MUC4: variants seen among roughly 807,000 people sequenced by gnomAD.
MUC4 encodes the protein mucin-4.
In MUC4, 202 loss-of-function variants were observed where a neutral mutation model predicts 257.9. The ratio of observed to expected loss-of-function variants is 0.78; its 90% CI spans 0.70 to 0.88. The LOEUF is 0.88. Ranked by LOEUF, MUC4 falls within the 40% of genes least tolerant of loss-of-function variation. MUC4 has a pLI of 0.00. For missense variants in MUC4, 5,976 were observed against 6,513.7 expected (o/e 0.92, Z 2.84); for synonymous variants, 2,351 against 2,757.1 (o/e 0.85, Z 4.62).
intron 1 of MUC4, among the ~76,000 whole-genome samples, chr3:195,798,847 C>T (rs1302150456): frequency 6.6e-6 from 1 of 152,150 alleles, no homozygotes; most frequent in Non-Finnish European, 1.5e-5. Flanking sequence ...TGAGAAGACG[C>T]ACATCTTTTA....
At position 195,762,894 on chromosome 3, in the gene MUC4, G is replaced by C; in HGVS notation, c.14305C>G (p.Gln4769Glu). 6.4e-7 allele frequency: 1 copy of C among 1,573,498 alleles called. No individual in the cohort carries two copies. Among genetic ancestry groups the C allele is most frequent in the Non-Finnish European group, 8.6e-7 (1 of 1,160,638 alleles). ...HDAIRVLLDN[Q>E]TVTFQPDHED... ...TGGTCAGGCTGAAATGTCACAGTCT[G>C]GTTATCCAGCAGGACACGGATTGCG... Residue 4769 changes from glutamine (Q) to glutamate (E), a missense_variant, in exon 13 of 25, where the codon CAG becomes GAG. Gln to Glu is a conservative substitution (Grantham distance 29). This residue lies in a region of MUC4 where 996 missense variants were observed against 1,137.3 expected (regional missense o/e 0.88). Transcript: ENST00000463781.
Position 195,781,761 on chromosome 3 carries a change from T to A in MUC4, c.9819A>T (p.Ala3273=), listed in dbSNP as rs1466562510. ...TSLPVTDTSS[A]YTGDTTSLPV... ...GAAGAGAGGTGGTGTCACCTGTGTA[T>A]GCTGAGGAAGTGTCGGTGACAGGAA... The change falls in exon 2 of 25, where the codon GCA becomes GCT. Residue 3273 remains alanine, a synonymous_variant. Transcript: ENST00000463781. 9.2e-6 allele frequency: 13 copies of A among 1,413,950 alleles called. 4 individuals carry two copies. In the African/African-American group the frequency reaches 1.2e-4, roughly 14 times the overall value. 87.6% of individuals were successfully genotyped at this position (1,413,950 alleles called of 1,614,324 possible).
chr3:195,811,630 TTCTC>T (rs143120396), intron 1 of MUC4, 102 bp downstream of exon 1: 6,144 of 840,838 alleles, frequency 7.3e-3, no homozygotes, highest in South Asian at 0.015. Context: ...CTTTCCCCTA[TTCTC>T]TCTCTCTCTC....
Position 195,767,820 on chromosome 3 carries a change from C to CCACCACCACCACCACCATCACCACCAT in MUC4, c.13530-1070_13530-1069insATGGTGGTGATGGTGGTGGTGGTGGTG, listed in dbSNP as rs1721671260. ...ACCACCATCATCACCACCATCACCACCACCACCACCATCACCACCACCACC... is the reference window on the plus strand; with the variant it reads ...ACCACCATCATCACCACCATCACCACCACCACCACCACCACCATCACCACCATCACCACCACCATCACCACCACCACC... On this transcript the variant is annotated intron_variant, in intron 7 of 24. Transcript: ENST00000463781. 1.9e-4 allele frequency among the ~76,000 whole-genome samples: 8 copies of CCACCACCACCACCACCATCACCACCAT among 41,550 alleles called. No homozygotes were observed. In the East Asian group the frequency reaches 9.5e-3, roughly 49 times the overall value. The allele number at this position is 41,550 out of a possible 152,430, so 27.3% of individuals were successfully genotyped here.
intron 23 of MUC4, 65 bp from the exon 24 acceptor site, chr3:195,749,129 G>T: frequency 6.4e-7 from 1 of 1,569,084 alleles, no homozygotes; most frequent in Non-Finnish European, 8.7e-7. Context: ...TACCTTTTCA[G>T]CCACGAATTC....
Position 195,785,868 on chromosome 3 carries a change from AG to A in MUC4, c.5711del (p.Pro1904LeufsTer1100), listed in dbSNP as rs1731520569. 6.7e-7 allele frequency: 1 copy of A among 1,494,504 alleles called. No individual in the cohort carries two copies. The highest frequency in any genetic ancestry group is 1.4e-5 in the African/African-American group (1 of 69,290). The allele number at this position is 1,494,504 out of a possible 1,614,324, so 92.6% of individuals were successfully genotyped here. ...TNSASTGDTT[P>X]LHVTDASSVS... ...CTGAGGAAGCGTCGGTGACATGAAG[AG>A]GGGTGGTGTCACCTGTGGATGCTGA... is the stretch of plus-strand genomic sequence containing the variant. On this transcript the variant is annotated frameshift_variant, in exon 2 of 25. Coordinates refer to ENST00000463781, the MANE Select transcript of MUC4 (RefSeq NM_018406.7). LOFTEE classifies it high-confidence loss of function.
Position 195,780,949 on chromosome 3 carries a change from G to C in MUC4, c.10631C>G (p.Ser3544Ter). 1.3e-6 allele frequency: 2 copies of C among 1,514,984 alleles called. No individual in the cohort carries two copies. Among genetic ancestry groups the C allele is most frequent in the East Asian group, 2.4e-5 (1 of 41,426 alleles). The allele number at this position is 1,514,984 out of a possible 1,614,324, so 93.8% of individuals were successfully genotyped here. ...ATPLPVTSLS[S>*]VSTGDTTPLP... ...AGGGGTGGTGTCACCTGTGGATACT[G>C]AGGAAAGGCTGGTGACAGGAAGAGG... is the stretch of plus-strand genomic sequence containing the variant. Residue 3544 changes from serine (S) to a stop codon, truncating the protein, a stop_gained, in exon 2 of 25, where the codon TCA becomes TGA. Coordinates refer to ENST00000463781, the MANE Select transcript of MUC4 (RefSeq NM_018406.7). LOFTEE classifies it high-confidence loss of function.
intron 18 of MUC4, among the ~76,000 whole-genome samples, chr3:195,754,852 T>G (rs565433351): frequency 6.6e-6 from 1 of 152,066 alleles, no homozygotes; most frequent in African/African-American, 2.4e-5. Context: ...CATGTATGTA[T>G]CCATGTAGAT....
chr3:195,767,886 TCAC>T (rs1224448233), intron 7 of MUC4, among the ~76,000 whole-genome samples: 9 of 69,894 alleles, frequency 1.3e-4, no homozygotes, highest in South Asian at 4.7e-4. Flanking sequence ...ATCACCACCA[TCAC>T]CACCACCATC....
At chr3:195,799,025 A>G (rs752443040) in intron 1 of MUC4, among the ~76,000 whole-genome samples, 14 of 152,048 alleles carry the variant, frequency 9.2e-5, no homozygotes, top group Non-Finnish European at 1.6e-4. Flanking sequence ...CCCAACTGGA[A>G]GCGTTGTTAC....
At chr3:195,772,820 A>ACC (rs1479735971) in intron 4 of MUC4, among the ~76,000 whole-genome samples, 33 of 122,860 alleles carry the variant, frequency 2.7e-4, no homozygotes, top group African/African-American at 6.2e-4. Flanking sequence ...GGGTGTAGAC[A>ACC]CCCTCTCTCC....
intron 7 of MUC4, among the ~76,000 whole-genome samples, chr3:195,767,513 C>A (rs1208459670): frequency 1.2e-5 from 1 of 81,134 alleles, no homozygotes; most frequent in Non-Finnish European, 2.8e-5. Flanking sequence ...ACCACCATCA[C>A]CATCACCACC....
chr3:195,764,099 A>G lies in MUC4; in HGVS notation c.13990T>C (p.Tyr4664His), dbSNP rs1719872784. 1.9e-6 allele frequency: 3 copies of G among 1,606,986 alleles called. No individual in the cohort carries two copies. Among genetic ancestry groups the G allele is most frequent in the Non-Finnish European group, 2.5e-6 (3 of 1,177,342 alleles). Residue 4664 changes from tyrosine (Y) to histidine (H), a missense_variant, in exon 11 of 25, where the codon TAC becomes CAC. Coordinates refer to ENST00000463781, the MANE Select transcript of MUC4 (RefSeq NM_018406.7). ...CCCACGTGGGGCCGCCTCTGCTGGTACAGGGCACAGAGGTAGGGCTTGTCA... is the reference window on the plus strand; with the variant it reads ...CCCACGTGGGGCCGCCTCTGCTGGTGCAGGGCACAGAGGTAGGGCTTGTCA... ...WNDKPYLCAL[Y>H]QQRRPHVGCA...
At chr3:195,802,663 G>C (rs977908533) in intron 1 of MUC4, among the ~76,000 whole-genome samples, 1 of 152,176 alleles carries the variant, frequency 6.6e-6, no homozygotes, top group African/African-American at 2.4e-5. Context: ...AGAATCCTCA[G>C]AGGGAGGCCA....
intron 6 of MUC4, 85 bp downstream of exon 6, chr3:195,770,131 G>T: frequency 7.5e-7 from 1 of 1,332,104 alleles, no homozygotes; most frequent in Non-Finnish European, 9.9e-7. Context: ...AGCCAGAGAG[G>T]ATTTTGGAAG....
chr3:195,788,818 G>T lies in MUC4; in HGVS notation c.2762C>A (p.Thr921Asn). ...GGTTGCCTGGGACGCCAGGCTGATA[G>T]TGTCAGACCCTCTGCTGGTTCTTGT... ...QRTRTSRGSD[T>N]ISLASQATDT... The change falls in exon 2 of 25, where the codon ACT (threonine) becomes AAT (asparagine). Residue 921 changes from threonine to asparagine, a missense_variant. This residue lies in a region of MUC4 where 1,583 missense variants were observed against 1,257.4 expected (regional missense o/e 1.26). Coordinates refer to ENST00000463781, the MANE Select transcript of MUC4 (RefSeq NM_018406.7). 6.2e-7 allele frequency: 1 copy of T among 1,613,942 alleles called. No homozygotes were observed. Among genetic ancestry groups the T allele is most frequent in the Non-Finnish European group, 8.5e-7 (1 of 1,179,858 alleles).
chr3:195,788,542 C>G lies in MUC4; in HGVS notation c.3038G>C (p.Ser1013Thr), dbSNP rs55868431. ...GTGACCTGTGGATACTGAGGAAGGG[C>G]TGGTGACAGGAAGAGGGGTGGCGTG... ...TGHATPLPVT[S>T]PSSVSTGHTT... Residue 1013 changes from serine to threonine, a missense_variant, in exon 2 of 25, where the codon AGC becomes ACC. This residue lies in a region of MUC4 where 1,583 missense variants were observed against 1,257.4 expected (regional missense o/e 1.26). Coordinates refer to ENST00000463781, the MANE Select transcript of MUC4 (RefSeq NM_018406.7). 2 of 883,410 alleles carry G rather than the reference C, an allele frequency of 2.3e-6. No homozygotes were observed. Among genetic ancestry groups the G allele is most frequent in the Non-Finnish European group, 1.4e-6 (1 of 715,936 alleles). 54.7% of individuals were successfully genotyped at this position (883,410 alleles called of 1,614,324 possible).
At position 195,782,844 on chromosome 3, in the gene MUC4, A is replaced by G. The variant is rs879741446; in HGVS notation, c.8736T>C (p.Pro2912=). 2.6e-6 allele frequency: 4 copies of G among 1,510,602 alleles called. 1 individual carries two copies. Among genetic ancestry groups the G allele is most frequent in the Non-Finnish European group, 3.6e-6 (4 of 1,122,458 alleles). The allele number at this position is 1,510,602 out of a possible 1,614,324, so 93.6% of individuals were successfully genotyped here. A position where few individuals can be genotyped will look rare whatever the true frequency, so the allele number is the denominator to read the frequency against. The change falls in exon 2 of 25, where the codon CCT becomes CCC. Residue 2912 remains proline (P), a synonymous_variant. Coordinates refer to ENST00000463781, the MANE Select transcript of MUC4 (RefSeq NM_018406.7). ...CTGAGGAAGTGTCGGTGACAGGAAG[A>G]GGCGTGGTGTCACCTGTGGATACTG... is the stretch of plus-strand genomic sequence containing the variant. ...LSSVSTGDTT[P]LPVTDTSSAS...
At chr3:195,793,959 G>T (rs1157433250) in intron 1 of MUC4, among the ~76,000 whole-genome samples, 33 of 152,066 alleles carry the variant, frequency 2.2e-4, no homozygotes, top group African/African-American at 7.5e-4. Flanking sequence ...TTCCCAGGCA[G>T]AGGCCAGGCA....
Sources: allele counts gnomAD v4.1 joint callset (sites outside exome capture counted in the v4.1 genomes callset), GRCh38; gene constraint gnomAD v4.1.1; regional missense constraint gnomAD v4.1.1; transcripts MANE v1.5; gene names NCBI Gene and HGNC (gene_info 2026-07-23, HGNC 2026-07-21).